The following CD226 variants were observed in gnomAD, a reference collection of about 807,000 sequenced individuals.
CD226 encodes the protein CD226 antigen.
CD226 carries 24 observed loss-of-function variants against 34.9 expected under a neutral mutation model. That is an observed-to-expected ratio of 0.69 (90% CI 0.50 to 0.97). The LOEUF (loss-of-function observed/expected upper bound fraction) is 0.97, where lower values mean the gene tolerates loss of function less well. CD226 is among the 50% of genes least tolerant of loss of function. CD226 has a pLI of 0.00. For synonymous variants in CD226, 148 were observed against 147.4 expected, an observed-to-expected ratio of 1.00 and a Z score of -0.03; for missense variants, 397 against 412.7, an observed-to-expected ratio of 0.96 and a Z score of 0.33.
Position 69,946,902 on chromosome 18 carries a change from T to C in CD226, c.214A>G (p.Arg72Gly). 6.2e-7 allele frequency: 1 copy of C among 1,614,174 alleles called. No homozygotes were observed. Among genetic ancestry groups the C allele is most frequent in the Non-Finnish European group, 8.5e-7 (1 of 1,180,014 alleles). Residue 72 changes from arginine to glycine, a missense_variant, in exon 2 of 6, where the codon AGG becomes GGG. Physicochemically the swap from Arg to Gly is moderately radical, Grantham distance 125. Coordinates refer to ENST00000582621, the MANE Select transcript of CD226 (RefSeq NM_001303618.2). ...TAAACCCTCTCAGCATAGGGCTTCC[T>C]TATGACCATGCCATGAGTAGGGCTG... ...IFSPTHGMVI[R>G]KPYAERVYFL...
rs1402996995 is a variant in CD226, at chr18:69,853,617, C to T, written c.*10697G>A. The T allele has an allele frequency of 6.6e-6, 1 of 152,104 alleles. No homozygotes were observed. The highest frequency in any genetic ancestry group is 1.5e-5 in the Non-Finnish European group (1 of 68,016). The allele number at this position is 152,104 out of a possible 1,614,324, so 9.4% of individuals were successfully genotyped here. A position where few individuals can be genotyped will look rare whatever the true frequency, so the allele number is the denominator to read the frequency against. ...CATATTTCATTTTAACAGAATTTCC[C>T]CCAAAAAATGCTTGTGAAATCTGGT... On this transcript the variant is annotated 3_prime_UTR_variant, in exon 6 of 6. Coordinates refer to ENST00000582621, the MANE Select transcript of CD226 (RefSeq NM_001303618.2).
At chr18:69,932,312 T>C (rs552544528) in intron 2 of CD226, among the ~76,000 whole-genome samples, 2 of 152,352 alleles carry the variant, frequency 1.3e-5, no homozygotes, top group African/African-American at 2.4e-5. Flanking sequence ...ATAGTGTACA[T>C]TTGTGACATG....
intron 2 of CD226, among the ~76,000 whole-genome samples, chr18:69,943,788 C>A (rs1330323552): frequency 6.6e-6 from 1 of 152,170 alleles, no homozygotes; most frequent in African/African-American, 2.4e-5. Flanking sequence ...TACAAACGTT[C>A]AAGTGCACAC....
rs1982611011 is a variant in CD226, at chr18:69,856,419, A to G, written c.*7895T>C. 1.3e-5 allele frequency: 2 copies of G among 152,212 alleles called. No individual in the cohort carries two copies. The highest frequency in any genetic ancestry group is 4.1e-4 in the South Asian group (2 of 4,830). The allele number at this position is 152,212 out of a possible 1,614,324, so 9.4% of individuals were successfully genotyped here. A position where few individuals can be genotyped will look rare whatever the true frequency, so the allele number is the denominator to read the frequency against. ...TAGATCAAGAAGAGGGAAAATCAGAAAGGATATAGATAATCTGAACGGTGG... is the reference window on the plus strand; with the variant it reads ...TAGATCAAGAAGAGGGAAAATCAGAGAGGATATAGATAATCTGAACGGTGG... On this transcript the variant is annotated 3_prime_UTR_variant, in exon 6 of 6. Transcript: ENST00000582621.
In CD226 at chr18:69,895,879, A is replaced by T; in HGVS notation, c.549T>A (p.His183Gln). The T allele has an allele frequency of 6.2e-7, 1 of 1,614,186 alleles. No individual in the cohort carries two copies. Among genetic ancestry groups the T allele is most frequent in the Non-Finnish European group, 8.5e-7 (1 of 1,180,042 alleles). ...GGAACTTGGAGGTGAAATTTCTGCC[A>T]TGGACCAAGTTGCAGTAAGTTAAGA... is the stretch of plus-strand genomic sequence containing the variant. ...IDLLTYCNLVHGRNFTSKFPR... is the reference protein window; with the variant it reads ...IDLLTYCNLVQGRNFTSKFPR... The change falls in exon 3 of 6, where the codon CAT becomes CAA. Residue 183 changes from histidine (H) to glutamine (Q), a missense_variant. His to Gln is a conservative substitution (Grantham distance 24). Transcript: ENST00000582621.
intron 5 of CD226, among the ~76,000 whole-genome samples, chr18:69,866,945 A>T (rs1983186369): frequency 6.6e-6 from 1 of 152,178 alleles, no homozygotes; most frequent in African/African-American, 2.4e-5. Context: ...CATGGGATGG[A>T]TTCTCATCCC....
intron 1 of CD226, among the ~76,000 whole-genome samples, chr18:69,954,560 C>T (rs1032545660): frequency 6.6e-5 from 10 of 151,944 alleles, no homozygotes; most frequent in Non-Finnish European, 1.5e-4. Context: ...GCATCATCCA[C>T]TCTCGGTGGT....
At chr18:69,901,263 G>T (rs1411122841) in intron 2 of CD226, among the ~76,000 whole-genome samples, 1 of 152,170 alleles carries the variant, frequency 6.6e-6, no homozygotes, top group Non-Finnish European at 1.5e-5. Context: ...CATAGAACTG[G>T]AGAAATGCAA....
upstream of CD226, among the ~76,000 whole-genome samples, chr18:69,949,262 A>G (rs550914696): frequency 2.6e-5 from 4 of 152,306 alleles, no homozygotes; most frequent in African/African-American, 9.6e-5. Context: ...CCTGAGAGGA[A>G]CATGGAGCCG....
At chr18:69,900,738 C>CAAAAAA (rs34436716) in intron 2 of CD226, among the ~76,000 whole-genome samples, 1 of 98,590 alleles carries the variant, frequency 1.0e-5, no homozygotes. Flanking sequence ...GACTCCGTCT[C>CAAAAAA]AAAAAAAAAA....
At chr18:69,942,414 T>C (rs899451767) in intron 2 of CD226, among the ~76,000 whole-genome samples, 1 of 152,218 alleles carries the variant, frequency 6.6e-6, no homozygotes, top group Non-Finnish European at 1.5e-5. Context: ...GTGTAATCTT[T>C]TAGGTGGTGA....
chr18:69,911,526 G>A (rs1309139120), intron 2 of CD226, among the ~76,000 whole-genome samples: 1 of 152,068 alleles, frequency 6.6e-6, no homozygotes, highest in Admixed American at 6.5e-5. Context: ...CACAGAGTGG[G>A]CACAACTGAT....
intron 2 of CD226, among the ~76,000 whole-genome samples, chr18:69,944,314 C>T (rs930469482): frequency 6.6e-6 from 1 of 152,120 alleles, no homozygotes; most frequent in Admixed American, 6.6e-5. Context: ...GCCGGTATTC[C>T]TTCCTCTGAC....
intron 2 of CD226, among the ~76,000 whole-genome samples, chr18:69,927,264 G>A (rs570068733): frequency 9.1e-4 from 139 of 151,966 alleles, no homozygotes; most frequent in Non-Finnish European, 1.0e-3. Flanking sequence ...TTTGGTCTTG[G>A]ACTTCCTAGC....
At chr18:69,937,301 T>C (rs997270279) in intron 2 of CD226, among the ~76,000 whole-genome samples, 1 of 152,192 alleles carries the variant, frequency 6.6e-6, no homozygotes, top group Non-Finnish European at 1.5e-5. Flanking sequence ...CCAAAGTAGG[T>C]TACACTGGAG....
chr18:69,882,206 A>G (rs1422386121), intron 3 of CD226, among the ~76,000 whole-genome samples: 1 of 152,222 alleles, frequency 6.6e-6, no homozygotes, highest in Non-Finnish European at 1.5e-5. Flanking sequence ...AAATTTTGCT[A>G]CAATTTGCCT....
intron 3 of CD226, among the ~76,000 whole-genome samples, chr18:69,880,256 C>T (rs115256273): frequency 3.5e-3 from 401 of 113,314 alleles, no homozygotes; most frequent in African/African-American, 0.013. Flanking sequence ...GTAAGGAAGG[C>T]GGAAAGAAGG....
At chr18:69,930,665 G>A (rs1169768214) in intron 2 of CD226, among the ~76,000 whole-genome samples, 1 of 152,156 alleles carries the variant, frequency 6.6e-6, no homozygotes, top group Non-Finnish European at 1.5e-5. Context: ...CTCCTTCATG[G>A]TAACAATGAC....
chr18:69,888,996 G>A (rs1430929330), intron 3 of CD226, among the ~76,000 whole-genome samples: 1 of 151,304 alleles, frequency 6.6e-6, no homozygotes, highest in Non-Finnish European at 1.5e-5. Flanking sequence ...TCAATACTAG[G>A]GCTTACAAAA....
Sources: gnomAD v4.1 joint callset for allele counts (sites outside exome capture counted in the v4.1 genomes callset) on GRCh38, gnomAD v4.1.1 for gene constraint, MANE v1.5 for transcripts, NCBI Gene and HGNC (gene_info 2026-07-23, HGNC 2026-07-21) for gene names.